The following FDFT1 variants were observed in gnomAD, a reference collection of about 807,000 sequenced individuals.
FDFT1 encodes the protein squalene synthase.
Under a neutral mutation model 46.8 loss-of-function variants are expected in FDFT1, and 68 were observed. The observed-to-expected ratio is 1.45, with a 90% CI of 1.19 to 1.78. The LOEUF is 1.78. Among genes scored for constraint, FDFT1 ranks in the 40% most tolerant of loss-of-function variants. FDFT1 has a pLI of 0.00. For missense variants in FDFT1, 928 were observed against 524.4 expected (o/e 1.77, Z -7.52); for synonymous variants, 351 against 185.1 (o/e 1.90, Z -7.28).
Position 11,826,039 on chromosome 8 carries a change from G to A in FDFT1, c.526G>A (p.Ala176Thr). 2 of 1,593,470 alleles carry A rather than the reference G, an allele frequency of 1.3e-6. No individual in the cohort carries two copies. Among genetic ancestry groups the A allele is most frequent in the Non-Finnish European group, 1.7e-6 (2 of 1,165,178 alleles). Residue 176 changes from alanine to threonine, a missense_variant, in exon 5 of 8, where the codon GCT becomes ACT. Ala to Thr is a moderately conservative substitution (Grantham distance 58). Transcript: ENST00000220584. The stretch of plus-strand genomic sequence containing the variant: ...TCTCTTACAGTACTGCCACTATGTT[G>A]CTGGGCTGGTCGGAATTGGCCTTTC... Reference protein sequence around the residue: ...QEWDKYCHYVAGLVGIGLSRL... With the variant: ...QEWDKYCHYVTGLVGIGLSRL...
At chr8:11,815,447 T>A (rs1808316561) in intron 3 of FDFT1, among the ~76,000 whole-genome samples, 1 of 152,224 alleles carries the variant, frequency 6.6e-6, no homozygotes, top group South Asian at 2.1e-4. Context: ...ATCACCATAC[T>A]GTCTTCCACA....
In FDFT1 at chr8:11,826,108, G is replaced by A. The variant is rs1809947233; in HGVS notation, c.595G>A (p.Glu199Lys). 2 of 1,610,948 alleles carry A rather than the reference G, an allele frequency of 1.2e-6. No homozygotes were observed. Among genetic ancestry groups the A allele is most frequent in the South Asian group, 1.1e-5 (1 of 90,844 alleles). The stretch of plus-strand genomic sequence containing the variant: ...AGAGTTTGAAGACCCCTTAGTTGGT[G>A]AAGATACAGAACGTGCCAACTCTAT... Reference protein sequence around the residue: ...ASEFEDPLVGEDTERANSMGL... With the variant: ...ASEFEDPLVGKDTERANSMGL... The change falls in exon 5 of 8, where the codon GAA (glutamate) becomes AAA (lysine). Residue 199 changes from glutamate (E) to lysine (K), a missense_variant. Physicochemically the swap from Glu to Lys is moderately conservative, Grantham distance 56. Transcript: ENST00000220584.
At chr8:11,802,653 C>G (rs1385394243), upstream of FDFT1, 2 of 607,494 alleles carry the variant, frequency 3.3e-6, no homozygotes, top group Non-Finnish European at 5.8e-6. Flanking sequence ...GCAGCTAGCC[C>G]CGCTGGCGGC....
intron 6 of FDFT1, among the ~76,000 whole-genome samples, chr8:11,830,661 T>A (rs1412609560): frequency 1.3e-5 from 2 of 152,216 alleles, no homozygotes; most frequent in African/African-American, 4.8e-5. Flanking sequence ...TTTCTACAGC[T>A]ATCCTAAACT....
At chr8:11,827,145 A>G (rs1810107911) in intron 5 of FDFT1, among the ~76,000 whole-genome samples, 1 of 152,148 alleles carries the variant, frequency 6.6e-6, no homozygotes, top group Admixed American at 6.6e-5. Flanking sequence ...GCTTTCCATA[A>G]AAGTGTTTCC....
intron 5 of FDFT1, among the ~76,000 whole-genome samples, chr8:11,827,565 C>T (rs918979700): frequency 6.6e-6 from 1 of 150,846 alleles, no homozygotes; most frequent in Non-Finnish European, 1.5e-5. Context: ...ATTCATAGAG[C>T]AGATACAGGG....
chr8:11,833,166 C>T (rs1175425402), intron 7 of FDFT1, among the ~76,000 whole-genome samples: 1 of 152,044 alleles, frequency 6.6e-6, no homozygotes, highest in Admixed American at 6.6e-5. Flanking sequence ...GCCAGTGACC[C>T]AAAAAATTGC....
chr8:11,795,584 C>T (rs530500415), exon 1 of FDFT1: 45 of 95,626 alleles, frequency 4.7e-4, no homozygotes, highest in African/African-American at 1.3e-3. Flanking sequence ...AAAACGGTGG[C>T]AACACGCTGG....
At chr8:11,804,820 G>A (rs1235185341) in intron 1 of FDFT1, among the ~76,000 whole-genome samples, 2 of 151,570 alleles carry the variant, frequency 1.3e-5, no homozygotes, top group Non-Finnish European at 2.9e-5. Context: ...TGTTGGTGAG[G>A]CTGGTTTTGA....
upstream of FDFT1, among the ~76,000 whole-genome samples, chr8:11,799,288 G>A (rs1805868385): frequency 6.6e-6 from 1 of 152,238 alleles, no homozygotes; most frequent in South Asian, 2.1e-4. Context: ...CAAAGCTGTA[G>A]TTATGGCTGG....
chr8:11,798,480 T>C (rs1292697753), upstream of FDFT1, among the ~76,000 whole-genome samples: 1 of 152,184 alleles, frequency 6.6e-6, no homozygotes, highest in Non-Finnish European at 1.5e-5. Context: ...AGAGGAGAGA[T>C]TAAAATGAAA....
chr8:11,823,062 C>G (rs1809484778), intron 4 of FDFT1, among the ~76,000 whole-genome samples: 1 of 152,086 alleles, frequency 6.6e-6, no homozygotes, highest in Non-Finnish European at 1.5e-5. Context: ...TCAGGTGATC[C>G]TCCCACCTCA....
At chr8:11,808,439 C>CCCGTCCCGCCCCTCGTCGGGCGCTT in intron 1 of FDFT1, 1 of 1,268,974 alleles carries the variant, frequency 7.9e-7, no homozygotes, top group Non-Finnish European at 9.9e-7. Context: ...AGAGGGCGAG[C>CCCGTCCCGCCCCTCGTCGGGCGCTT]CCGTCCCGCC....
rs186354752 is a variant in FDFT1 at position 11,818,459 on chromosome 8, G to T, written c.382-3291G>T. Among the ~76,000 whole-genome samples the T allele has an allele frequency of 1.6e-3, 246 of 152,276 alleles. 1 individual carries two copies. The highest frequency in any genetic ancestry group is 2.7e-3 in the South Asian group (13 of 4,830). On this transcript the variant is annotated intron_variant, in intron 3 of 7. Coordinates refer to ENST00000220584, the MANE Select transcript of FDFT1 (RefSeq NM_004462.5). ...TTGATCTATCTAATATTGACAGTGG[G>T]ATGTTAGACTCGCACACAATAATAA...
chr8:11,802,354 C>A (rs1033106209), upstream of FDFT1: 5 of 438,166 alleles, frequency 1.1e-5, no homozygotes, highest in South Asian at 3.2e-5. Flanking sequence ...AGGAAGCAGC[C>A]CCGCACTGCT....
intron 3 of FDFT1, among the ~76,000 whole-genome samples, chr8:11,818,699 T>A (rs368738224): frequency 6.6e-6 from 1 of 152,052 alleles, no homozygotes; most frequent in African/African-American, 2.4e-5. Context: ...CTTTTTTTTT[T>A]CGCTTGGTAG....
intron 5 of FDFT1, among the ~76,000 whole-genome samples, chr8:11,828,453 C>G (rs551636485): frequency 1.3e-5 from 2 of 152,332 alleles, no homozygotes; most frequent in Admixed American, 6.5e-5. Context: ...AGGGGATTGT[C>G]TGGGGATGTA....
chr8:11,824,552 T>G (rs1036509518), intron 4 of FDFT1, among the ~76,000 whole-genome samples: 2 of 151,702 alleles, frequency 1.3e-5, no homozygotes, highest in African/African-American at 2.4e-5. Flanking sequence ...TTCAGCCCCC[T>G]GAGTAACTGG....
intron 1 of FDFT1, 157 bp from the exon 2 acceptor site, chr8:11,808,637 G>A: frequency 7.2e-7 from 1 of 1,397,254 alleles, no homozygotes; most frequent in Non-Finnish European, 9.3e-7. Flanking sequence ...GCTGCTGCTT[G>A]CCTCCTGCCG....
Sources: gnomAD v4.1 joint callset for allele counts (sites outside exome capture counted in the v4.1 genomes callset) on GRCh38, gnomAD v4.1.1 for gene constraint, MANE v1.5 for transcripts, NCBI Gene and HGNC (gene_info 2026-07-23, HGNC 2026-07-21) for gene names.